SNTG1: variants seen among roughly 807,000 people sequenced by gnomAD.
SNTG1 encodes the protein gamma-1-syntrophin.
SNTG1 carries 39 observed loss-of-function variants against 74.7 expected under a neutral mutation model. The observed-to-expected ratio is 0.52, with a 90% CI of 0.40 to 0.68. The LOEUF is 0.68. SNTG1 is among the 30% of genes least tolerant of loss of function. The pLI is 0.00. For missense variants in SNTG1, 685 were observed against 609.5 expected, an observed-to-expected ratio of 1.12 and a Z score of -1.30; for synonymous variants, 254 against 217.1, an observed-to-expected ratio of 1.17 and a Z score of -1.49.
chr8:50,758,275 C>T (rs1320294090), intron 18 of SNTG1, among the ~76,000 whole-genome samples: 1 of 151,814 alleles, frequency 6.6e-6, no homozygotes, highest in Non-Finnish European at 1.5e-5. Flanking sequence ...TCTCTGTAAA[C>T]TGTGATGTCT....
intron 2 of SNTG1, among the ~76,000 whole-genome samples, chr8:50,273,208 G>A (rs974813405): frequency 2.6e-5 from 4 of 152,214 alleles, no homozygotes; most frequent in African/African-American, 9.6e-5. Context: ...TATTATAAGG[G>A]CTTTGAGGGA....
Position 50,394,220 on chromosome 8 carries a change from C to A in SNTG1, c.-19C>A. 1 of 1,612,622 alleles carries A rather than the reference C, an allele frequency of 6.2e-7. No individual in the cohort carries two copies. Among genetic ancestry groups the A allele is most frequent in the Non-Finnish European group, 8.5e-7 (1 of 1,179,150 alleles). On this transcript the variant is annotated 5_prime_UTR_variant, in exon 3 of 19. Coordinates refer to ENST00000642720, the MANE Select transcript of SNTG1 (RefSeq NM_018967.5). Reference sequence around the variant, plus strand: ...TTTCTGTGTCTTTTCAGACGACATCCTTTGTGGTGCCACAGCACATGGATT... The same window carrying A: ...TTTCTGTGTCTTTTCAGACGACATCATTTGTGGTGCCACAGCACATGGATT...
At chr8:50,015,898 A>G (rs895448307) in intron 1 of SNTG1, among the ~76,000 whole-genome samples, 2 of 152,144 alleles carry the variant, frequency 1.3e-5, no homozygotes, top group Non-Finnish European at 2.9e-5. Context: ...ATGGCAGATG[A>G]AGCAAAACTT....
chr8:50,571,219 A>T (rs1295234521), intron 12 of SNTG1, among the ~76,000 whole-genome samples: 2 of 152,138 alleles, frequency 1.3e-5, no homozygotes, highest in African/African-American at 2.4e-5. Flanking sequence ...CCCATAGCAT[A>T]CCAACGCTGC....
chr8:50,231,630 A>G (rs892844089), intron 2 of SNTG1, among the ~76,000 whole-genome samples: 3 of 151,368 alleles, frequency 2.0e-5, no homozygotes, highest in African/African-American at 7.2e-5. Context: ...AACAAGAAAG[A>G]CTGATTCCAA....
intron 15 of SNTG1, among the ~76,000 whole-genome samples, chr8:50,692,917 C>A (rs1238253814): frequency 1.3e-5 from 2 of 152,226 alleles, no homozygotes; most frequent in Non-Finnish European, 2.9e-5. Context: ...AGCTTCCTGG[C>A]CACTTCATTT....
At chr8:50,569,886 A>G (rs2094537235) in intron 12 of SNTG1, among the ~76,000 whole-genome samples, 2 of 152,212 alleles carry the variant, frequency 1.3e-5, no homozygotes, top group African/African-American at 2.4e-5. Context: ...GGTTAGTGTG[A>G]GTGAAATAAA....
At chr8:50,087,195 G>A (rs1822971416) in intron 1 of SNTG1, among the ~76,000 whole-genome samples, 1 of 152,156 alleles carries the variant, frequency 6.6e-6, no homozygotes, top group South Asian at 2.1e-4. Flanking sequence ...AAAGACTCAA[G>A]AATCTCTGGT....
chr8:50,125,522 A>G (rs1385693537), intron 1 of SNTG1, among the ~76,000 whole-genome samples: 1 of 142,322 alleles, frequency 7.0e-6, no homozygotes, highest in East Asian at 2.0e-4. Flanking sequence ...GTAAGTTTAA[A>G]TATGTAGTAT....
At chr8:50,142,020 C>T (rs2081676298) in intron 1 of SNTG1, among the ~76,000 whole-genome samples, 1 of 152,078 alleles carries the variant, frequency 6.6e-6, no homozygotes, top group Non-Finnish European at 1.5e-5. Flanking sequence ...TCAGCTCACA[C>T]TCTATTTTTC....
rs150025024 is a variant in SNTG1 at position 50,473,740 on chromosome 8, G to T, written c.363+23011G>T. Reference sequence around the variant, plus strand: ...AATGGAATATTATTCTCCCCCAAATGGAAGGAAATCCTTTTACATGATACA... The same window carrying T: ...AATGGAATATTATTCTCCCCCAAATTGAAGGAAATCCTTTTACATGATACA... On this transcript the variant is annotated intron_variant, in intron 8 of 18. Transcript: ENST00000642720. Among the ~76,000 whole-genome samples the T allele has an allele frequency of 1.5e-3, 224 of 152,140 alleles. 1 individual carries two copies. Among genetic ancestry groups the T allele is most frequent in the African/African-American group, 5.2e-3 (216 of 41,512 alleles).
At chr8:50,250,261 T>A (rs970105172) in intron 2 of SNTG1, among the ~76,000 whole-genome samples, 3 of 149,764 alleles carry the variant, frequency 2.0e-5, no homozygotes, top group Non-Finnish European at 4.4e-5. Context: ...AATAACCCTA[T>A]CAGAAAAAAA....
intron 18 of SNTG1, among the ~76,000 whole-genome samples, chr8:50,783,461 A>T (rs2095665995): frequency 6.6e-6 from 1 of 152,324 alleles, no homozygotes; most frequent in African/African-American, 2.4e-5. Context: ...CTGCTGTGCT[A>T]GCAATCAGGG....
At chr8:50,715,142 C>A (rs2131574744) in intron 17 of SNTG1, among the ~76,000 whole-genome samples, 1 of 152,280 alleles carries the variant, frequency 6.6e-6, no homozygotes, top group Admixed American at 6.5e-5. Flanking sequence ...GAATCCCACA[C>A]CTGAGACCTA....
At chr8:50,571,961 C>T (rs933651090) in intron 12 of SNTG1, among the ~76,000 whole-genome samples, 17 of 152,140 alleles carry the variant, frequency 1.1e-4, no homozygotes, top group Admixed American at 5.2e-4. Flanking sequence ...TGGTCACACA[C>T]GTCACTTGAG....
chr8:50,728,881 A>G (rs990768424), intron 17 of SNTG1, among the ~76,000 whole-genome samples: 26 of 151,990 alleles, frequency 1.7e-4, no homozygotes, highest in African/African-American at 6.3e-4. Context: ...ATCTCATTCC[A>G]CTTGTATTTG....
intron 2 of SNTG1, among the ~76,000 whole-genome samples, chr8:50,225,311 CATA>C (rs1432034981): frequency 6.6e-6 from 1 of 152,174 alleles, no homozygotes; most frequent in African/African-American, 2.4e-5. Context: ...GCATCATCTG[CATA>C]ATAAGAACCT....
intron 8 of SNTG1, among the ~76,000 whole-genome samples, chr8:50,464,105 C>T (rs2093589580): frequency 6.6e-6 from 1 of 152,240 alleles, no homozygotes; most frequent in South Asian, 2.1e-4. Context: ...GGGTTAGGGC[C>T]TTGCTCTGGA....
At chr8:50,363,656 G>T (rs2092026562) in intron 2 of SNTG1, among the ~76,000 whole-genome samples, 1 of 152,104 alleles carries the variant, frequency 6.6e-6, no homozygotes. Context: ...TTTTTTATTA[G>T]ATTGAATACA....
Sources: allele counts gnomAD v4.1 joint callset (sites outside exome capture counted in the v4.1 genomes callset), GRCh38; gene constraint gnomAD v4.1.1; transcripts MANE v1.5; gene names NCBI Gene and HGNC (gene_info 2026-07-23, HGNC 2026-07-21).